The following NRXN1 variants were observed in gnomAD, a reference collection of about 807,000 sequenced individuals.
NRXN1 encodes neurexin 1.
NRXN1 carries 39 observed loss-of-function variants against 150.9 expected under a neutral mutation model. That is an observed-to-expected ratio of 0.26 (90% CI 0.20 to 0.34). The LOEUF is 0.34. Ranked by LOEUF, NRXN1 falls within the 10% of genes least tolerant of loss-of-function variation. The probability of loss-of-function intolerance (pLI) is 1.00; values close to 1 mark genes in which losing one functional copy is unlikely to be tolerated. For missense variants in NRXN1, 1,815 were observed against 1,949.9 expected (o/e 0.93, Z 1.30); for synonymous variants, 924 against 757.0 (o/e 1.22, Z -3.62).
At chr2:50,070,473 T>G (rs1291175017) in intron 19 of NRXN1, among the ~76,000 whole-genome samples, 1 of 151,968 alleles carries the variant, frequency 6.6e-6, no homozygotes, top group East Asian at 2.0e-4. Context: ...GGGGCTGACT[T>G]AAAAACCTGT....
Position 50,455,186 on chromosome 2 carries a change from A to G in NRXN1, c.3364+10256T>C, listed in dbSNP as rs144645361. ...TGGAAAGAATAAAAGAATGCCAGAA[A>G]AACTGCATGTTAACAAAACCTACTG... On this transcript the variant is annotated intron_variant, in intron 17 of 22. Transcript: ENST00000401669. Among the ~76,000 whole-genome samples the G allele has an allele frequency of 1.8e-4, 27 of 152,326 alleles. No individual in the cohort carries two copies. In the East Asian group the frequency reaches 5.2e-3, roughly 29 times the overall value.
intron 5 of NRXN1, among the ~76,000 whole-genome samples, chr2:50,772,469 A>G (rs888199475): frequency 1.3e-5 from 2 of 152,034 alleles, no homozygotes; most frequent in East Asian, 1.9e-4. Context: ...TCAGGAAAAG[A>G]TAAGTACAGT....
At chr2:49,951,285 A>G (rs1488060249) in intron 21 of NRXN1, among the ~76,000 whole-genome samples, 1 of 152,004 alleles carries the variant, frequency 6.6e-6, no homozygotes, top group Non-Finnish European at 1.5e-5. Context: ...TAGAAAACCT[A>G]CAAATAAGGA....
chr2:50,436,326 G>A (rs937595398), intron 17 of NRXN1, among the ~76,000 whole-genome samples: 1 of 152,104 alleles, frequency 6.6e-6, no homozygotes, highest in Non-Finnish European at 1.5e-5. Context: ...GGTGGCACAT[G>A]CCTGTAATCC....
intron 21 of NRXN1, among the ~76,000 whole-genome samples, chr2:50,042,486 G>C (rs969265921): frequency 6.6e-6 from 1 of 152,188 alleles, no homozygotes; most frequent in Non-Finnish European, 1.5e-5. Flanking sequence ...GCAGAACTGT[G>C]AGCCAATTAA....
In NRXN1 at chr2:50,780,924, T is replaced by C. The variant is rs113487537; in HGVS notation, c.832+140945A>G. Among the ~76,000 whole-genome samples, 298 of 152,306 alleles carry C rather than the reference T, an allele frequency of 2.0e-3. 5 individuals carry two copies. Among genetic ancestry groups the C allele is most frequent in the African/African-American group, 7.0e-3 (290 of 41,578 alleles). On this transcript the variant is annotated intron_variant, in intron 5 of 22. Coordinates refer to ENST00000401669, the MANE Select transcript of NRXN1 (RefSeq NM_001330078.2). ...ACTACACTAGGACACATTCTTAGGT[T>C]TAGGTGTTTATCCACACTTAGTGCC...
In NRXN1 at chr2:51,030,701, C is replaced by G. The variant is rs958000559; in HGVS notation, c.-922+1280G>C. 2.0e-5 allele frequency among the ~76,000 whole-genome samples: 3 copies of G among 152,264 alleles called. No homozygotes were observed. In the East Asian group the frequency reaches 5.8e-4, roughly 29 times the overall value. Reference sequence around the variant, plus strand: ...AGTCATATCTTGTCTTCTCCTATATCAAACCCGAGGAAAGAGGCTCGTCAA... The same window carrying G: ...AGTCATATCTTGTCTTCTCCTATATGAAACCCGAGGAAAGAGGCTCGTCAA... On this transcript the variant is annotated intron_variant, in intron 1 of 22. Coordinates refer to ENST00000401669, the MANE Select transcript of NRXN1 (RefSeq NM_001330078.2).
chr2:50,838,231 TA>T (rs1399500821), intron 5 of NRXN1, among the ~76,000 whole-genome samples: 1 of 152,118 alleles, frequency 6.6e-6, no homozygotes, highest in Non-Finnish European at 1.5e-5. Context: ...ATAAACAGTG[TA>T]AAAAATATGT....
intron 9 of NRXN1, among the ~76,000 whole-genome samples, chr2:50,551,928 G>C (rs114790859): frequency 9.9e-5 from 15 of 152,076 alleles, no homozygotes; most frequent in Non-Finnish European, 2.2e-4. Flanking sequence ...CCAAATTTCA[G>C]TGTAAATGTG....
intron 5 of NRXN1, among the ~76,000 whole-genome samples, chr2:50,635,044 G>C (rs1350901951): frequency 3.9e-5 from 6 of 152,124 alleles, no homozygotes; most frequent in African/African-American, 7.2e-5. Flanking sequence ...CCAGCTAGTG[G>C]CCTTCTTGTG....
chr2:50,564,590 T>C (rs1669587431), intron 8 of NRXN1, among the ~76,000 whole-genome samples: 1 of 152,162 alleles, frequency 6.6e-6, no homozygotes, highest in Non-Finnish European at 1.5e-5. Context: ...TGATATTAAA[T>C]TGATGGAATT....
chr2:50,925,258 C>T lies in NRXN1; in HGVS notation c.790+680G>A, dbSNP rs72891347. Among the ~76,000 whole-genome samples the T allele has an allele frequency of 8.4e-3, 1,271 of 151,828 alleles. 19 individuals carry two copies. Among genetic ancestry groups the T allele is most frequent in the African/African-American group, 0.029 (1,220 of 41,476 alleles). ...GAATAAGGAAATATGTTTTAATTTG[C>T]TGGATTCTACAGGAAAATATATAAG... On this transcript the variant is annotated intron_variant, in intron 3 of 22. Coordinates refer to ENST00000401669, the MANE Select transcript of NRXN1 (RefSeq NM_001330078.2).
chr2:50,690,958 T>A (rs556098065), intron 5 of NRXN1, among the ~76,000 whole-genome samples: 1 of 152,310 alleles, frequency 6.6e-6, no homozygotes, highest in Non-Finnish European at 1.5e-5. Flanking sequence ...GATTAAATGA[T>A]GATTAAGCTG....
intron 18 of NRXN1, among the ~76,000 whole-genome samples, chr2:50,169,020 C>T (rs1219271387): frequency 1.3e-5 from 2 of 152,186 alleles, no homozygotes; most frequent in Non-Finnish European, 2.9e-5. Context: ...ACGGAATGCT[C>T]ATTAGAAGCA....
intron 5 of NRXN1, among the ~76,000 whole-genome samples, chr2:50,719,581 C>T (rs897737091): frequency 6.6e-6 from 1 of 151,922 alleles, no homozygotes; most frequent in Non-Finnish European, 1.5e-5. Context: ...GAGGCTGAGG[C>T]AGGAGAATCG....
chr2:50,726,947 T>C (rs964093422), intron 5 of NRXN1, among the ~76,000 whole-genome samples: 11 of 152,266 alleles, frequency 7.2e-5, no homozygotes, highest in African/African-American at 1.9e-4. Context: ...TATCATTTGT[T>C]CAATTTAAAA....
Position 50,091,429 on chromosome 2 carries a change from A to T in NRXN1, c.3612T>A (p.Asn1204Lys), listed in dbSNP as rs757509384. The T allele has an allele frequency of 4.3e-6, 7 of 1,614,054 alleles. No individual in the cohort carries two copies. The African/African-American group carries it at 8.0e-5, about 18-fold the overall frequency. ...GGTATTTCCCATCATTAATGATTGCATTGGATTCTTCAATGGCGATGTCAT... is the reference window on the plus strand; with the variant it reads ...GGTATTTCCCATCATTAATGATTGCTTTGGATTCTTCAATGGCGATGTCAT... ...GTDDIAIEES[N>K]AIINDGKYHV... Residue 1204 changes from asparagine (N) to lysine (K), a missense_variant, in exon 19 of 23, where the codon AAT becomes AAA. Physicochemically the swap from Asn to Lys is moderately conservative, Grantham distance 94. Transcript: ENST00000401669.
chr2:50,848,737 C>G (rs910816769), intron 5 of NRXN1, among the ~76,000 whole-genome samples: 1 of 152,156 alleles, frequency 6.6e-6, no homozygotes, highest in Non-Finnish European at 1.5e-5. Context: ...AACAAATACA[C>G]CAAGACTGGT....
At chr2:50,330,393 T>C (rs1247337332) in intron 17 of NRXN1, among the ~76,000 whole-genome samples, 3 of 152,188 alleles carry the variant, frequency 2.0e-5, no homozygotes, top group Non-Finnish European at 4.4e-5. Context: ...ACAGAAAGAA[T>C]TTAAAAACAT....
Sources: gnomAD v4.1 joint callset for allele counts (sites outside exome capture counted in the v4.1 genomes callset) on GRCh38, gnomAD v4.1.1 for gene constraint, MANE v1.5 for transcripts, NCBI Gene and HGNC (gene_info 2026-07-23, HGNC 2026-07-21) for gene names.